The following DPP10 variants were observed in gnomAD, a reference collection of about 807,000 sequenced individuals.
The protein encoded by DPP10 is inactive dipeptidyl peptidase 10.
DPP10 carries 33 observed loss-of-function variants against 120.9 expected under a neutral mutation model. The observed-to-expected ratio is 0.27, with a 90% CI of 0.21 to 0.37. DPP10 has a LOEUF of 0.37. DPP10 is among the 10% of genes least tolerant of loss of function. The pLI is 1.00. For missense variants in DPP10, 816 were observed against 942.8 expected, an observed-to-expected ratio of 0.87 and a Z score of 1.76; for synonymous variants, 337 against 326.1, an observed-to-expected ratio of 1.03 and a Z score of -0.36.
intron 21 of DPP10, among the ~76,000 whole-genome samples, chr2:115,824,407 A>C (rs1425729660): frequency 6.6e-6 from 1 of 152,024 alleles, no homozygotes; most frequent in Non-Finnish European, 1.5e-5. Flanking sequence ...GCACTTATCA[A>C]CCCGTCATCT....
At chr2:115,786,578 T>G (rs1215980481) in intron 17 of DPP10, among the ~76,000 whole-genome samples, 2 of 152,120 alleles carry the variant, frequency 1.3e-5, no homozygotes, top group Non-Finnish European at 2.9e-5. Flanking sequence ...CATTCAACAA[T>G]AGCCAGCATG....
chr2:114,944,341 T>G (rs530001088), intron 1 of DPP10, among the ~76,000 whole-genome samples: 1 of 152,158 alleles, frequency 6.6e-6, no homozygotes, highest in Non-Finnish European at 1.5e-5. Context: ...TTTGGATAAC[T>G]GGTCTAATTT....
chr2:115,785,082 T>C (rs1407835221), intron 17 of DPP10, among the ~76,000 whole-genome samples: 1 of 152,208 alleles, frequency 6.6e-6, no homozygotes, highest in African/African-American at 2.4e-5. Context: ...AAGTACTTTC[T>C]ATAGATGACT....
chr2:114,876,123 A>G (rs890198910), intron 1 of DPP10, among the ~76,000 whole-genome samples: 4 of 152,158 alleles, frequency 2.6e-5, no homozygotes, highest in African/African-American at 9.7e-5. Context: ...TAGAGAATAT[A>G]GTATAATGAA....
intron 5 of DPP10, among the ~76,000 whole-genome samples, chr2:115,589,106 A>G (rs2082469674): frequency 6.6e-6 from 1 of 152,210 alleles, no homozygotes; most frequent in Non-Finnish European, 1.5e-5. Flanking sequence ...ATAGCTAGCA[A>G]AAATCTATGA....
In DPP10 at chr2:115,836,223, G is replaced by T. The variant is rs764715614; in HGVS notation, c.2017G>T (p.Val673Leu). The change falls in exon 22 of 26, where the codon GTG (valine) becomes TTG (leucine). Residue 673 changes from valine (V) to leucine (L), a missense_variant. Around this residue, in one of 3 missense-constraint regions of DPP10, gnomAD observed 592 missense variants for 649.0 expected, o/e 0.91. Coordinates refer to ENST00000410059, the MANE Select transcript of DPP10 (RefSeq NM_020868.6). Reference protein sequence around the residue: ...SDEKLFKCGSVVAPITDLKLY... With the variant: ...SDEKLFKCGSLVAPITDLKLY... ...TGAAAAGCTTTTTAAATGTGGATCC[G>T]TGGTTGCACCTATCACAGACTTGAA... The T allele has an allele frequency of 5.6e-6, 9 of 1,608,928 alleles. No homozygotes were observed. The East Asian group carries it at 2.0e-4, about 36-fold the overall frequency.
chr2:115,265,658 A>G (rs964489499), intron 1 of DPP10, among the ~76,000 whole-genome samples: 2 of 152,164 alleles, frequency 1.3e-5, no homozygotes, highest in Non-Finnish European at 2.9e-5. Flanking sequence ...AATTCAGTGT[A>G]TAATAGCACT....
chr2:114,717,564 G>A (rs1042065064), intron 1 of DPP10, among the ~76,000 whole-genome samples: 1 of 152,122 alleles, frequency 6.6e-6, no homozygotes, highest in Non-Finnish European at 1.5e-5. Context: ...GATTGGCTCC[G>A]TAAACCTTTA....
At chr2:114,821,098 G>A (rs377025395) in intron 1 of DPP10, among the ~76,000 whole-genome samples, 58 of 152,308 alleles carry the variant, frequency 3.8e-4, no homozygotes, top group African/African-American at 1.3e-3. Flanking sequence ...AAGTGCCAAG[G>A]ATACCAGCCA....
chr2:115,739,884 G>A lies in DPP10; in HGVS notation c.843G>A (p.Pro281=), dbSNP rs146251151. 31 of 1,612,804 alleles carry A rather than the reference G, an allele frequency of 1.9e-5. No homozygotes were observed. Among genetic ancestry groups the A allele is most frequent in the African/African-American group, 1.6e-4 (12 of 74,980 alleles). ...GALYPKGKQY[P]YPKAGQVNPT... ...TGTATCCCAAAGGAAAGCAGTATCC[G>A]TATCCTAAGGTAAGTAACATGGAAG... Residue 281 remains proline (P), a synonymous_variant, in exon 9 of 26, where the codon CCG becomes CCA. Transcript: ENST00000410059.
intron 1 of DPP10, among the ~76,000 whole-genome samples, chr2:115,187,797 T>C (rs2054567922): frequency 6.6e-6 from 1 of 151,976 alleles, no homozygotes; most frequent in Non-Finnish European, 1.5e-5. Flanking sequence ...AGCCAGGAGT[T>C]GGAAATCAGC....
At chr2:115,441,038 C>G (rs1031209674) in intron 3 of DPP10, 1 of 151,966 alleles carries the variant, frequency 6.6e-6, no homozygotes, top group African/African-American at 2.4e-5. Context: ...TAGAGAGAGT[C>G]TTATTTACAT....
At chr2:115,580,223 G>A (rs2081935312) in intron 5 of DPP10, 1 of 152,296 alleles carries the variant, frequency 6.6e-6, no homozygotes, top group Non-Finnish European at 1.5e-5. Flanking sequence ...TATGGGGGAA[G>A]TATTGGTACT....
At chr2:115,585,802 C>T (rs578135144) in intron 5 of DPP10, among the ~76,000 whole-genome samples, 2 of 152,174 alleles carry the variant, frequency 1.3e-5, no homozygotes, top group African/African-American at 4.8e-5. Flanking sequence ...CTATCCACGT[C>T]GCCACTTCCT....
chr2:114,574,205 C>A (rs1006976230), intron 1 of DPP10, among the ~76,000 whole-genome samples: 1 of 152,176 alleles, frequency 6.6e-6, no homozygotes, highest in Non-Finnish European at 1.5e-5. Context: ...TAGACCCAGT[C>A]TGCAAGCATC....
At chr2:115,575,758 A>G (rs1429974834) in intron 5 of DPP10, among the ~76,000 whole-genome samples, 1 of 152,176 alleles carries the variant, frequency 6.6e-6, no homozygotes, top group Non-Finnish European at 1.5e-5. Context: ...GAGAGAGCAT[A>G]CTGGATTATC....
intron 5 of DPP10, among the ~76,000 whole-genome samples, chr2:115,623,125 G>A (rs991658865): frequency 5.3e-5 from 8 of 152,096 alleles, no homozygotes; most frequent in Non-Finnish European, 7.4e-5. Flanking sequence ...GATTACAGGC[G>A]TGAGCCACCG....
Position 115,833,192 on chromosome 2 carries a change from A to G in DPP10, c.1951-2965A>G, listed in dbSNP as rs1047685481. 3.9e-5 allele frequency among the ~76,000 whole-genome samples: 6 copies of G among 152,336 alleles called. No homozygotes were observed. In the South Asian group the frequency reaches 6.2e-4, roughly 16 times the overall value. ...AAACATATAATGTCATCTTATATAT[A>G]TTATTTAAATGTAACATAAGCTTTT... On this transcript the variant is annotated intron_variant, in intron 21 of 25. Transcript: ENST00000410059.
chr2:114,891,849 G>T (rs1055719948), intron 1 of DPP10, among the ~76,000 whole-genome samples: 1 of 152,184 alleles, frequency 6.6e-6, no homozygotes, highest in Non-Finnish European at 1.5e-5. Flanking sequence ...AAGGAATTCT[G>T]CACTGATGTT....
Sources: allele counts gnomAD v4.1 joint callset (sites outside exome capture counted in the v4.1 genomes callset), GRCh38; gene constraint gnomAD v4.1.1; regional missense constraint gnomAD v4.1.1; transcripts MANE v1.5; gene names NCBI Gene and HGNC (gene_info 2026-07-23, HGNC 2026-07-21).